The following PRTG variants were observed in gnomAD, a reference collection of about 807,000 sequenced individuals.
PRTG encodes protogenin, also known as immunoglobulin superfamily, DCC subclass, member 5.
Under a neutral mutation model 122.5 loss-of-function variants are expected in PRTG, and 67 were observed. The ratio of observed to expected loss-of-function variants is 0.55; its 90% confidence interval spans 0.45 to 0.67. The LOEUF (loss-of-function observed/expected upper bound fraction) is 0.67, where lower values mean the gene tolerates loss of function less well. Among genes scored for constraint, PRTG ranks in the 30% least tolerant of loss-of-function variants. The pLI is 0.00. For missense variants in PRTG, 1,435 were observed against 1,415.4 expected (o/e 1.01, Z -0.22); for synonymous variants, 554 against 501.1 (o/e 1.11, Z -1.41).
intron 8 of PRTG, 139 bp downstream of exon 8, chr15:55,677,658 A>G (rs1366353409): frequency 5.7e-6 from 4 of 697,092 alleles, no homozygotes; most frequent in Non-Finnish European, 9.5e-6. Context: ...TACATAGGTG[A>G]TAGATTATTT....
rs776795776 is a variant in PRTG, at chr15:55,620,244, G to A, written c.3221C>T (p.Ala1074Val). Reference protein sequence around the residue: ...VEQPQRRFTPAVCFYQPGTTV... With the variant: ...VEQPQRRFTPVVCFYQPGTTV... ...GGTGCCTGGCTGGTAAAAGCAGACC[G>A]CTGGAGTAAATCTTCTTTGAGGCTA... The change falls in exon 20 of 20, where the codon GCG becomes GTG. Residue 1074 changes from alanine (A) to valine (V), a missense_variant. Ala to Val is a moderately conservative substitution (Grantham distance 64). Coordinates refer to ENST00000389286, the MANE Select transcript of PRTG (RefSeq NM_173814.6). 2.0e-5 allele frequency: 33 copies of A among 1,613,944 alleles called. No homozygotes were observed. Among genetic ancestry groups the A allele is most frequent in the East Asian group, 1.6e-4 (7 of 44,894 alleles).
intron 2 of PRTG, among the ~76,000 whole-genome samples, chr15:55,684,541 C>T (rs1044749754): frequency 1.4e-4 from 22 of 152,228 alleles, no homozygotes; most frequent in African/African-American, 5.1e-4. Context: ...AAGAAGAATA[C>T]AGATAAAACA....
chr15:55,686,537 T>C (rs1036823882), intron 2 of PRTG, among the ~76,000 whole-genome samples: 11 of 152,174 alleles, frequency 7.2e-5, no homozygotes, highest in Admixed American at 6.5e-4. Context: ...ATATCTGACT[T>C]CTCTTCATCC....
intron 2 of PRTG, among the ~76,000 whole-genome samples, chr15:55,734,935 C>T (rs2031362401): frequency 6.6e-6 from 1 of 152,128 alleles, no homozygotes; most frequent in Non-Finnish European, 1.5e-5. Context: ...CTGCAATTAT[C>T]AATTGTTTAC....
chr15:55,667,673 T>A (rs989072978), intron 11 of PRTG, among the ~76,000 whole-genome samples: 1 of 152,230 alleles, frequency 6.6e-6, no homozygotes, highest in Non-Finnish European at 1.5e-5. Flanking sequence ...TTTGTTATAA[T>A]TTGTACTCAC....
intron 2 of PRTG, among the ~76,000 whole-genome samples, chr15:55,692,835 C>CTTTTTTTTTTT (rs774248341): frequency 4.0e-5 from 3 of 74,952 alleles, no homozygotes; most frequent in Non-Finnish European, 7.1e-5. Flanking sequence ...AATGCAATCT[C>CTTTTTTTTTTT]TTTTTTTTTT....
chr15:55,683,888 G>A lies in PRTG; in HGVS notation c.441C>T (p.His147=), dbSNP rs770681139. Residue 147 remains histidine, a synonymous_variant, in exon 3 of 20, where the codon CAC becomes CAT. Transcript: ENST00000389286. ...ATGCAAATCGAGCAACTCCACCTTC[G>A]TGGACCTCAGTGGAAATTGGCTGGA... is the stretch of plus-strand genomic sequence containing the variant. ...FEVQPISTEV[H]EGGVARFACK... The A allele has an allele frequency of 2.1e-5, 34 of 1,613,682 alleles. No individual in the cohort carries two copies. In the Admixed American group the frequency reaches 4.7e-4, roughly 22 times the overall value.
At chr15:55,685,564 G>C (rs961128680) in intron 2 of PRTG, among the ~76,000 whole-genome samples, 2 of 152,094 alleles carry the variant, frequency 1.3e-5, no homozygotes, top group Non-Finnish European at 2.9e-5. Flanking sequence ...ACACATATGA[G>C]AACCCAGCTG....
At chr15:55,695,645 C>T (rs377333139) in intron 2 of PRTG, among the ~76,000 whole-genome samples, 30 of 152,294 alleles carry the variant, frequency 2.0e-4, no homozygotes, top group African/African-American at 7.0e-4. Context: ...CTCTAAGTCA[C>T]CAGTCAGTAG....
rs74426442 is a variant in PRTG, at chr15:55,623,062, C to A, written c.3093+1280G>T. Among the ~76,000 whole-genome samples the A allele has an allele frequency of 9.8e-3, 1,492 of 152,102 alleles. 26 individuals carry two copies. Among genetic ancestry groups the A allele is most frequent in the African/African-American group, 0.035 (1,435 of 41,482 alleles). Reference sequence around the variant, plus strand: ...TAAATTACATCTGTTGAATATAATTCATAAAATTTAGTATCAAAACTGCCT... The same window carrying A: ...TAAATTACATCTGTTGAATATAATTAATAAAATTTAGTATCAAAACTGCCT... On this transcript the variant is annotated intron_variant, in intron 18 of 19. Transcript: ENST00000389286.
chr15:55,680,242 C>T, intron 5 of PRTG, 30 bp from the exon 6 acceptor site: 2 of 1,537,318 alleles, frequency 1.3e-6, no homozygotes, highest in Non-Finnish European at 1.8e-6. Flanking sequence ...TCAGTTTAAA[C>T]AATGTAACAA....
Position 55,673,383 on chromosome 15 carries a change from T to C in PRTG, c.1840A>G (p.Thr614Ala). Reference protein sequence around the residue: ...VWTSHRTPKATSVKAPKSPEL... With the variant: ...VWTSHRTPKAASVKAPKSPEL... Reference sequence around the variant, plus strand: ...TTCAGAAATTCACCTTTCACGCTTGTAGCTTTGGGCGTCCTATGTGAAGTC... The same window carrying C: ...TTCAGAAATTCACCTTTCACGCTTGCAGCTTTGGGCGTCCTATGTGAAGTC... The change falls in exon 10 of 20, where the codon ACA becomes GCA. Residue 614 changes from threonine to alanine, a missense_variant. Thr to Ala is a moderately conservative substitution (Grantham distance 58, BLOSUM62 0). Transcript: ENST00000389286. 1.2e-6 allele frequency: 2 copies of C among 1,611,818 alleles called. No individual in the cohort carries two copies. Among genetic ancestry groups the C allele is most frequent in the Admixed American group, 1.7e-5 (1 of 59,976 alleles).
At chr15:55,650,417 G>A (rs1314549161) in intron 11 of PRTG, among the ~76,000 whole-genome samples, 1 of 152,110 alleles carries the variant, frequency 6.6e-6, no homozygotes, top group Non-Finnish European at 1.5e-5. Flanking sequence ...AGAAGCATGG[G>A]GAAGAAGAGA....
intron 2 of PRTG, among the ~76,000 whole-genome samples, chr15:55,718,544 C>G (rs534329709): frequency 6.6e-6 from 1 of 151,890 alleles, no homozygotes; most frequent in African/African-American, 2.4e-5. Context: ...GGCCCCACCC[C>G]TATCTCCCTT....
At chr15:55,666,531 T>G (rs117702444) in intron 11 of PRTG, among the ~76,000 whole-genome samples, 4,914 of 152,282 alleles carry the variant, frequency 0.032, 107 homozygotes, top group Non-Finnish European at 0.047. Context: ...AATGCAAAAA[T>G]TTCAGGCCCC....
intron 19 of PRTG, among the ~76,000 whole-genome samples, 153 bp from the exon 20 acceptor site, chr15:55,620,419 C>G (rs546177319): frequency 6.6e-6 from 1 of 152,188 alleles, no homozygotes; most frequent in African/African-American, 2.4e-5. Flanking sequence ...CTGATGCACG[C>G]TCCTGCTCCT....
Position 55,718,407 on chromosome 15 carries a change from C to T in PRTG, c.397+21975G>A, listed in dbSNP as rs145898663. ...CTCCCGCCTGTCCCCTCAGTCCCAA[C>T]CCCAAGCGTTGCTGAGTCTTTCTAA... On this transcript the variant is annotated intron_variant, in intron 2 of 19. Transcript: ENST00000389286. 2.0e-5 allele frequency among the ~76,000 whole-genome samples: 3 copies of T among 152,228 alleles called. No homozygotes were observed. The East Asian group carries it at 5.8e-4, about 30-fold the overall frequency.
At chr15:55,674,305 C>A (rs1357170201) in intron 9 of PRTG, among the ~76,000 whole-genome samples, 1 of 152,098 alleles carries the variant, frequency 6.6e-6, no homozygotes, top group East Asian at 1.9e-4. Context: ...GTGATCTTGA[C>A]CAAATTAACC....
chr15:55,731,029 G>T (rs748025365), intron 2 of PRTG, among the ~76,000 whole-genome samples: 2 of 152,164 alleles, frequency 1.3e-5, no homozygotes, highest in Non-Finnish European at 2.9e-5. Flanking sequence ...AAGTTTTAAG[G>T]AATCTTAAAT....
Sources: allele counts gnomAD v4.1 joint callset (sites outside exome capture counted in the v4.1 genomes callset), GRCh38; gene constraint gnomAD v4.1.1; transcripts MANE v1.5; gene names NCBI Gene and HGNC (gene_info 2026-07-23, HGNC 2026-07-21).